GDA: variants seen among roughly 807,000 people sequenced by gnomAD.
GDA encodes the protein cytoplasmic PSD-95 interactor.
A neutral mutation model predicts 59.6 loss-of-function variants in GDA; 18 were observed. That is an observed-to-expected ratio of 0.30 (90% CI 0.21 to 0.45). The LOEUF is 0.45. Among genes scored for constraint, GDA ranks in the 20% least tolerant of loss-of-function variants. The pLI is 1.00. For missense variants in GDA, 427 were observed against 552.3 expected, an observed-to-expected ratio of 0.77 and a Z score of 2.27; for synonymous variants, 201 against 201.1, an observed-to-expected ratio of 1.00 and a Z score of 0.00.
chr9:72,236,123 T>C (rs1245657092), intron 10 of GDA, among the ~76,000 whole-genome samples: 1 of 152,208 alleles, frequency 6.6e-6, no homozygotes, highest in African/African-American at 2.4e-5. Flanking sequence ...ATCACTATAA[T>C]CATTTCCTTG....
At chr9:72,148,629 G>A (rs1182989909), upstream of GDA, among the ~76,000 whole-genome samples, 3 of 152,106 alleles carry the variant, frequency 2.0e-5, no homozygotes, top group Non-Finnish European at 2.9e-5. Flanking sequence ...GTTTCATGGA[G>A]GAACTTAGTG....
At chr9:72,212,556 G>A (rs1055593627) in intron 4 of GDA, among the ~76,000 whole-genome samples, 8 of 151,916 alleles carry the variant, frequency 5.3e-5, no homozygotes, top group Non-Finnish European at 1.2e-4. Context: ...ATTATTGCAT[G>A]TATTCCTCAC....
intron 1 of GDA, among the ~76,000 whole-genome samples, chr9:72,127,077 A>G (rs150726243): frequency 4.9e-4 from 74 of 152,038 alleles, no homozygotes; most frequent in African/African-American, 1.4e-3. Flanking sequence ...GCTCAAAATT[A>G]TTGGGAAGCC....
At chr9:72,157,001 A>G (rs1587386120) in intron 1 of GDA, among the ~76,000 whole-genome samples, 1 of 150,236 alleles carries the variant, frequency 6.7e-6, no homozygotes, top group Non-Finnish European at 1.5e-5. Flanking sequence ...CCCTACCTGG[A>G]ACTGTCTACT....
intron 12 of GDA, among the ~76,000 whole-genome samples, chr9:72,246,960 C>T (rs1318967241): frequency 1.3e-5 from 2 of 152,052 alleles, no homozygotes; most frequent in African/African-American, 4.8e-5. Context: ...TCCCTCTTTT[C>T]TGCTTATCAG....
intron 1 of GDA, among the ~76,000 whole-genome samples, chr9:72,131,735 CCCT>C (rs1826034755): frequency 6.6e-6 from 1 of 152,114 alleles, no homozygotes; most frequent in East Asian, 1.9e-4. Flanking sequence ...CACCCATCTT[CCCT>C]CCTCACTGCT....
chr9:72,120,189 T>TTA (rs1242553987), intron 1 of GDA, among the ~76,000 whole-genome samples: 1 of 97,072 alleles, frequency 1.0e-5, no homozygotes, highest in African/African-American at 3.4e-5. Flanking sequence ...AGATGCAGCA[T>TTA]TCTTTTTTTT....
chr9:72,178,130 GACTAGCCACACAT>G (rs1191756958), intron 1 of GDA, among the ~76,000 whole-genome samples: 1 of 152,188 alleles, frequency 6.6e-6, no homozygotes, highest in Admixed American at 6.5e-5. Context: ...GATGCACAGT[GACTAGCCACACAT>G]ACTTTGGAAT....
At chr9:72,140,362 GAGA>G (rs562576474) in intron 1 of GDA, among the ~76,000 whole-genome samples, 51 of 152,304 alleles carry the variant, frequency 3.3e-4, no homozygotes, top group Admixed American at 9.8e-4. Context: ...GTGTGGAAGA[GAGA>G]AGGAGAAGGG....
At chr9:72,158,883 A>G (rs956117613) in intron 1 of GDA, among the ~76,000 whole-genome samples, 27 of 151,576 alleles carry the variant, frequency 1.8e-4, no homozygotes, top group African/African-American at 6.1e-4. Flanking sequence ...CATCATCATC[A>G]TCATCATCAT....
intron 1 of GDA, among the ~76,000 whole-genome samples, chr9:72,164,268 A>G (rs1829017618): frequency 2.0e-5 from 3 of 152,324 alleles, no homozygotes; most frequent in African/African-American, 7.2e-5. Context: ...GACAATCCAA[A>G]TATCAGAGGA....
At chr9:72,209,057 A>G (rs765983006) in intron 3 of GDA, among the ~76,000 whole-genome samples, 6 of 150,168 alleles carry the variant, frequency 4.0e-5, no homozygotes, top group Middle Eastern at 3.5e-3. Flanking sequence ...GAGAAATCCA[A>G]TGTCGTTGTG....
At chr9:72,149,978 C>T (rs1193698726) in intron 1 of GDA, among the ~76,000 whole-genome samples, 2 of 152,124 alleles carry the variant, frequency 1.3e-5, no homozygotes, top group East Asian at 3.9e-4. Context: ...CCCCGCTCCC[C>T]CGCCCCCCGT....
chr9:72,224,172 A>G (rs1394694768), intron 7 of GDA, among the ~76,000 whole-genome samples: 1 of 152,234 alleles, frequency 6.6e-6, no homozygotes, highest in Non-Finnish European at 1.5e-5. Flanking sequence ...TTAAAAATAC[A>G]TGAAAAATAA....
rs576196775 is a variant in GDA at position 72,120,525 on chromosome 9, G to A, written c.-100+5692G>A. 5.1e-4 allele frequency among the ~76,000 whole-genome samples: 77 copies of A among 152,272 alleles called. 1 individual carries two copies. In the South Asian group the frequency reaches 0.015, roughly 30 times the overall value. On this transcript the variant is annotated intron_variant, in intron 1 of 13. Transcript: ENST00000545168. ...TTCTTTTAAAACTCTAAGAAAAATGGCATTTGTCATGTGACAATGAAATCA... is the reference window on the plus strand; with the variant it reads ...TTCTTTTAAAACTCTAAGAAAAATGACATTTGTCATGTGACAATGAAATCA...
intron 8 of GDA, among the ~76,000 whole-genome samples, chr9:72,226,978 C>T (rs1284694806): frequency 6.6e-6 from 1 of 152,004 alleles, no homozygotes; most frequent in Non-Finnish European, 1.5e-5. Context: ...ATTAGCCAGG[C>T]GTGGTGGCAG....
intron 1 of GDA, among the ~76,000 whole-genome samples, chr9:72,160,202 C>T (rs942077464): frequency 6.6e-6 from 1 of 151,988 alleles, no homozygotes; most frequent in African/African-American, 2.4e-5. Context: ...CCTAGCTACT[C>T]GGAAGCTGAG....
At chr9:72,137,447 T>C (rs1384679131) in intron 1 of GDA, among the ~76,000 whole-genome samples, 3 of 151,828 alleles carry the variant, frequency 2.0e-5, no homozygotes, top group Non-Finnish European at 4.4e-5. Context: ...TGGGTTTCAC[T>C]GTGTTAGCCA....
At chr9:72,236,873 G>C (rs1839062758) in intron 10 of GDA, among the ~76,000 whole-genome samples, 1 of 150,618 alleles carries the variant, frequency 6.6e-6, no homozygotes, top group South Asian at 2.1e-4. Context: ...TCAGCCTCCA[G>C]GGTTCAAGTG....
Sources: allele counts gnomAD v4.1 joint callset (sites outside exome capture counted in the v4.1 genomes callset), GRCh38; gene constraint gnomAD v4.1.1; transcripts MANE v1.5; gene names NCBI Gene and HGNC (gene_info 2026-07-23, HGNC 2026-07-21).